The following MTNAP1 variants were observed in gnomAD, a reference collection of about 807,000 sequenced individuals.
MTNAP1 encodes mitochondrial nucleoid associated protein 1, also known as mitochondrial nucleoid-associated protein 1.
the MTNAP1 span, among the ~76,000 whole-genome samples, chr17:73,237,416 C>T: frequency 6.8e-6 from 1 of 147,936 alleles, no homozygotes; most frequent in Non-Finnish European, 1.5e-5. Flanking sequence ...GCCTGGGCGA[C>T]GGGAATGAGA....
chr17:73,247,348 C>T, the MTNAP1 span: 34 of 1,613,886 alleles, frequency 2.1e-5, no homozygotes, highest in Non-Finnish European at 2.5e-5. Context: ...TTAGGAAGCA[C>T]GTTTAAGTAG....
At chr17:73,238,908 G>C in the MTNAP1 span, among the ~76,000 whole-genome samples, 1 of 146,826 alleles carries the variant, frequency 6.8e-6, no homozygotes, top group East Asian at 2.0e-4. Context: ...GTTTGTTATA[G>C]TGCCATACTT....
At chr17:73,239,266 C>G in the MTNAP1 span, among the ~76,000 whole-genome samples, 1 of 152,088 alleles carries the variant, frequency 6.6e-6, no homozygotes, top group African/African-American at 2.4e-5. Flanking sequence ...GATGCACACA[C>G]TCCCCCCATG....
the MTNAP1 span, among the ~76,000 whole-genome samples, chr17:73,241,901 C>A: frequency 6.6e-6 from 1 of 152,160 alleles, no homozygotes; most frequent in Non-Finnish European, 1.5e-5. Flanking sequence ...TGCACTCCAG[C>A]CTGGGCGAGA....
the MTNAP1 span, chr17:73,235,528 A>T: frequency 6.2e-7 from 1 of 1,614,064 alleles, no homozygotes; most frequent in Non-Finnish European, 8.5e-7. Flanking sequence ...TTACTGTAAG[A>T]AGCCATTTAA....
the MTNAP1 span, among the ~76,000 whole-genome samples, chr17:73,241,181 A>G: frequency 0.51 from 77,866 of 151,848 alleles, 20,047 homozygotes; most frequent in East Asian, 0.62. Flanking sequence ...TTTTTGAGGC[A>G]GAGTCTTGCT....
chr17:73,247,172 A>T, the MTNAP1 span: 1 of 1,389,538 alleles, frequency 7.2e-7, no homozygotes, highest in Non-Finnish European at 1.0e-6. Context: ...ACAACAGCAA[A>T]GTCGAGTAGT....
At chr17:73,238,077 G>T in the MTNAP1 span, among the ~76,000 whole-genome samples, 1 of 152,200 alleles carries the variant, frequency 6.6e-6, no homozygotes, top group Non-Finnish European at 1.5e-5. Context: ...CTTCCTAGAG[G>T]CTCCTTTTGC....
At chr17:73,245,465 G>T in the MTNAP1 span, 3 of 1,117,492 alleles carry the variant, frequency 2.7e-6, no homozygotes, top group South Asian at 1.1e-4. Flanking sequence ...TAACCATAAA[G>T]TTGTTATTCA....
the MTNAP1 span, among the ~76,000 whole-genome samples, chr17:73,234,319 A>ATT: frequency 9.2e-6 from 1 of 108,672 alleles, no homozygotes; most frequent in African/African-American, 3.3e-5. Context: ...CATGGTATAA[A>ATT]TGTTTTTTTT....
the MTNAP1 span, chr17:73,247,469 C>A: frequency 1.2e-6 from 1 of 857,038 alleles, no homozygotes; most frequent in Non-Finnish European, 1.9e-6. Flanking sequence ...TTTCAGCCCT[C>A]AAGGTTATCA....
chr17:73,238,139 G>A, the MTNAP1 span, among the ~76,000 whole-genome samples: 1 of 152,218 alleles, frequency 6.6e-6, no homozygotes, highest in Non-Finnish European at 1.5e-5. Context: ...AAGGAGCCAG[G>A]AAGTTCCTGA....
the MTNAP1 span, chr17:73,245,019 G>T: frequency 1.5e-6 from 1 of 684,614 alleles, no homozygotes. Context: ...AACAGAGACT[G>T]AAGAAAGTGA....
chr17:73,242,345 C>T, the MTNAP1 span: 1 of 1,572,800 alleles, frequency 6.4e-7, no homozygotes, highest in African/African-American at 1.4e-5. Context: ...GGGAGCTGTA[C>T]AAAAAGGTGA....
the MTNAP1 span, chr17:73,242,800 CCA>C: frequency 9.3e-6 from 8 of 857,108 alleles, no homozygotes; most frequent in African/African-American, 1.7e-5. Flanking sequence ...AATTACAGTT[CCA>C]TCACTCAGGC....
At chr17:73,244,173 A>T in the MTNAP1 span, among the ~76,000 whole-genome samples, 986 of 152,300 alleles carry the variant, frequency 6.5e-3, 7 homozygotes, top group African/African-American at 0.022. Context: ...TTGTATTATT[A>T]AAAAAATCCT....
chr17:73,236,013 A>G, the MTNAP1 span: 1 of 1,614,202 alleles, frequency 6.2e-7, no homozygotes, highest in Non-Finnish European at 8.5e-7. Flanking sequence ...TGGTTGGCTC[A>G]ATAGAACCTT....
chr17:73,235,761 T>C, the MTNAP1 span: 3 of 1,614,150 alleles, frequency 1.9e-6, no homozygotes, highest in South Asian at 3.3e-5. Flanking sequence ...TGAAGACCTT[T>C]CCACTGCCAG....
the MTNAP1 span, among the ~76,000 whole-genome samples, chr17:73,240,060 G>A: frequency 6.6e-6 from 1 of 152,182 alleles, no homozygotes; most frequent in African/African-American, 2.4e-5. Flanking sequence ...TGTTTGATAT[G>A]TTATTGATAC....
Sources: gnomAD v4.1 joint callset for allele counts (sites outside exome capture counted in the v4.1 genomes callset) on GRCh38, gnomAD v4.1.1 for gene constraint, MANE v1.5 for transcripts, NCBI Gene and HGNC (gene_info 2026-07-23, HGNC 2026-07-21) for gene names.